The following TRIM9 variants were observed in gnomAD, a reference collection of about 807,000 sequenced individuals.
TRIM9 encodes the protein tripartite motif containing 9.
TRIM9 carries 26 observed loss-of-function variants against 78.3 expected under a neutral mutation model. The observed-to-expected ratio is 0.33, with a 90% confidence interval of 0.24 to 0.46. The LOEUF (loss-of-function observed/expected upper bound fraction) is 0.46. Among genes scored for constraint, TRIM9 ranks in the 20% least tolerant of loss-of-function variants. The pLI is 1.00. For synonymous variants in TRIM9, 398 were observed against 416.5 expected, an observed-to-expected ratio of 0.96 and a Z score of 0.54; for missense variants, 787 against 1,036.4, an observed-to-expected ratio of 0.76 and a Z score of 3.30.
chr14:51,075,842 AC>A (rs1483524413), intron 1 of TRIM9, among the ~76,000 whole-genome samples: 14 of 152,160 alleles, frequency 9.2e-5, no homozygotes, highest in African/African-American at 3.1e-4. Flanking sequence ...TTGGTGTAAA[AC>A]CCACTGAATG....
chr14:51,033,562 G>A (rs866290499), intron 1 of TRIM9, among the ~76,000 whole-genome samples: 1 of 152,222 alleles, frequency 6.6e-6, no homozygotes, highest in Non-Finnish European at 1.5e-5. Flanking sequence ...TTTGTCACAT[G>A]ACTTGCAGTG....
At chr14:51,068,307 G>C (rs1293127595) in intron 1 of TRIM9, among the ~76,000 whole-genome samples, 1 of 152,030 alleles carries the variant, frequency 6.6e-6, no homozygotes, top group Non-Finnish European at 1.5e-5. Flanking sequence ...AAAATAAATA[G>C]TATATGTATT....
intron 1 of TRIM9, among the ~76,000 whole-genome samples, chr14:51,027,342 C>T (rs552098585): frequency 6.6e-6 from 1 of 152,122 alleles, no homozygotes; most frequent in South Asian, 2.1e-4. Context: ...TGGGGTTTCT[C>T]CATGTTGGCC....
At chr14:50,982,774 G>C in intron 10 of TRIM9, 168 bp downstream of exon 10, 1 of 584,330 alleles carries the variant, frequency 1.7e-6, no homozygotes, top group Non-Finnish European at 2.9e-6. Context: ...TCGGACATTA[G>C]GTGCAGATAG....
At chr14:50,996,856 C>T (rs2054271811) in intron 7 of TRIM9, 1 of 985,334 alleles carries the variant, frequency 1.0e-6, no homozygotes, top group South Asian at 4.7e-5. Context: ...AATAGCATCA[C>T]TTAGACTGAC....
At chr14:51,020,996 T>C (rs528398938) in intron 3 of TRIM9, among the ~76,000 whole-genome samples, 2 of 152,266 alleles carry the variant, frequency 1.3e-5, no homozygotes, top group Non-Finnish European at 2.9e-5. Flanking sequence ...GGCTAGGTAC[T>C]TAAATAGTTG....
chr14:51,077,450 T>A lies in TRIM9; in HGVS notation c.822+16668A>T, dbSNP rs975743463. Among the ~76,000 whole-genome samples, 10 of 140,880 alleles carry A rather than the reference T, an allele frequency of 7.1e-5. No homozygotes were observed. In the East Asian group the frequency reaches 1.4e-3, roughly 20 times the overall value. 92.4% of individuals were successfully genotyped at this position (140,880 alleles called of 152,430 possible). On this transcript the variant is annotated intron_variant, in intron 1 of 12. Transcript: ENST00000684578. ...CTCTGTTGTCCAGGCTGGAGTGCAG[T>A]GGCACAATCTCAGCTCACTGCAACC...
At chr14:51,083,656 T>C (rs1226463362) in intron 1 of TRIM9, among the ~76,000 whole-genome samples, 1 of 152,140 alleles carries the variant, frequency 6.6e-6, no homozygotes, top group Non-Finnish European at 1.5e-5. Flanking sequence ...ATCTTGGAGT[T>C]ACAAAATGGA....
intron 1 of TRIM9, among the ~76,000 whole-genome samples, chr14:51,058,555 C>A (rs1380818546): frequency 6.6e-6 from 1 of 152,094 alleles, no homozygotes; most frequent in Non-Finnish European, 1.5e-5. Context: ...CAGGCCATAC[C>A]CTCCCGTCAT....
rs149012975 is a variant in TRIM9, at chr14:50,979,513, C to A, written c.2199G>T (p.Gly733=). Residue 733 remains glycine, a synonymous_variant, in exon 12 of 13, where the codon GGG becomes GGT. Coordinates refer to ENST00000684578, the MANE Select transcript of TRIM9 (RefSeq NM_001387360.1). ...EGGITKGATI[G]VLLDLNRKNL... ...TTTTTCTATTTAAGTCGAGGAGGAC[C>A]CCAATTGTGGCCCCTTTTGTGATCC... 6.2e-7 allele frequency: 1 copy of A among 1,613,942 alleles called. No homozygotes were observed. Among genetic ancestry groups the A allele is most frequent in the Admixed American group, 1.7e-5 (1 of 59,986 alleles).
chr14:51,086,666 T>G (rs2063780980), intron 1 of TRIM9, among the ~76,000 whole-genome samples: 1 of 152,140 alleles, frequency 6.6e-6, no homozygotes, highest in Non-Finnish European at 1.5e-5. Context: ...AGTGGGAGGA[T>G]GCTCAGGGTT....
rs150202550 is a variant in TRIM9, at chr14:51,018,114, G to C, written c.1041+4721C>G. ...TCCAGTGTGCCTAATTTTTCCAAAT[G>C]TCTTCATTGTAATGGAATAACTGAG... On this transcript the variant is annotated intron_variant, in intron 3 of 12. Transcript: ENST00000684578. 7.6e-3 allele frequency among the ~76,000 whole-genome samples: 1,163 copies of C among 152,282 alleles called. 11 individuals carry two copies. The highest frequency in any genetic ancestry group is 0.026 in the African/African-American group (1,089 of 41,556).
At chr14:50,981,513 C>A (rs543159008) in intron 11 of TRIM9, among the ~76,000 whole-genome samples, 56 of 152,118 alleles carry the variant, frequency 3.7e-4, no homozygotes, top group Non-Finnish European at 5.9e-4. Context: ...GTTTCAGCAT[C>A]CTGGATTGTT....
At chr14:51,053,022 C>T (rs530036224) in intron 1 of TRIM9, among the ~76,000 whole-genome samples, 20 of 151,938 alleles carry the variant, frequency 1.3e-4, no homozygotes, top group African/African-American at 3.4e-4. Context: ...CAGCCAGGTG[C>T]GGTGGTGGGC....
intron 10 of TRIM9, 36 bp from the exon 11 acceptor site, chr14:50,982,139 A>G: frequency 6.2e-7 from 1 of 1,605,256 alleles, no homozygotes; most frequent in Non-Finnish European, 8.5e-7. Context: ...TTATTAAGAC[A>G]GACCCAACAA....
intron 12 of TRIM9, chr14:50,978,859 A>G: frequency 1.0e-6 from 1 of 959,800 alleles, no homozygotes; most frequent in Non-Finnish European, 1.2e-6. Flanking sequence ...AATAAATGAG[A>G]AGCTGTTGTT....
chr14:51,020,253 G>C (rs1188042673), intron 3 of TRIM9, among the ~76,000 whole-genome samples: 1 of 152,202 alleles, frequency 6.6e-6, no homozygotes, highest in Non-Finnish European at 1.5e-5. Context: ...GACAAGAAAG[G>C]GAAAAGGCAG....
At chr14:50,984,269 T>C (rs1269618708) in intron 8 of TRIM9, among the ~76,000 whole-genome samples, 2 of 152,228 alleles carry the variant, frequency 1.3e-5, no homozygotes, top group Non-Finnish European at 2.9e-5. Context: ...TTCTATTTAG[T>C]AAGGCCTTTA....
chr14:51,088,003 A>G (rs1263931082), intron 1 of TRIM9, among the ~76,000 whole-genome samples: 1 of 152,230 alleles, frequency 6.6e-6, no homozygotes, highest in African/African-American at 2.4e-5. Flanking sequence ...GGGGGACAAC[A>G]TGTATTCCAG....
Sources: allele counts gnomAD v4.1 joint callset (sites outside exome capture counted in the v4.1 genomes callset), GRCh38; gene constraint gnomAD v4.1.1; transcripts MANE v1.5; gene names NCBI Gene and HGNC (gene_info 2026-07-23, HGNC 2026-07-21).